NCOA7: variants seen among roughly 807,000 people sequenced by gnomAD.
NCOA7 encodes the protein nuclear receptor coactivator 7.
Under a neutral mutation model 104.3 loss-of-function variants are expected in NCOA7, and 45 were observed. The ratio of observed to expected loss-of-function variants is 0.43; its 90% CI spans 0.34 to 0.55. The LOEUF (loss-of-function observed/expected upper bound fraction) is 0.55, where lower values mean the gene tolerates loss of function less well. Ranked by LOEUF, NCOA7 falls within the 20% of genes least tolerant of loss-of-function variation. The pLI is 0.02. For synonymous variants in NCOA7, 398 were observed against 402.3 expected, an observed-to-expected ratio of 0.99 and a Z score of 0.13; for missense variants, 1,041 against 1,119.7, an observed-to-expected ratio of 0.93 and a Z score of 1.00.
chr6:125,928,013 G>T (rs748337402), intron 14 of NCOA7, among the ~76,000 whole-genome samples, 161 bp from the exon 15 acceptor site: 1 of 152,190 alleles, frequency 6.6e-6, no homozygotes, highest in Non-Finnish European at 1.5e-5. Context: ...TAACCCCTTG[G>T]GAGATCTCAT....
At chr6:125,911,227 A>C (rs1786515279) in intron 10 of NCOA7, among the ~76,000 whole-genome samples, 1 of 152,240 alleles carries the variant, frequency 6.6e-6, no homozygotes, top group South Asian at 2.1e-4. Context: ...ATGTTCTGCT[A>C]CTTGAGATAA....
chr6:125,869,776 C>T (rs1782742173), intron 3 of NCOA7, among the ~76,000 whole-genome samples: 1 of 152,202 alleles, frequency 6.6e-6, no homozygotes, highest in Non-Finnish European at 1.5e-5. Flanking sequence ...GGCCCTGCTT[C>T]CAGGGCCCAA....
chr6:125,856,627 C>T (rs111542855), intron 3 of NCOA7, among the ~76,000 whole-genome samples: 39 of 152,288 alleles, frequency 2.6e-4, no homozygotes, highest in Middle Eastern at 3.4e-3. Flanking sequence ...GCTGGGATTA[C>T]AGGCGTGAGC....
At chr6:125,819,115 TAGTTTTTCCTCC>T (rs1777899121) in intron 2 of NCOA7, among the ~76,000 whole-genome samples, 1 of 152,120 alleles carries the variant, frequency 6.6e-6, no homozygotes, top group Non-Finnish European at 1.5e-5. Flanking sequence ...TAGGAACACC[TAGTTTTTCCTCC>T]TGAGTAGTTA....
intron 1 of NCOA7, among the ~76,000 whole-genome samples, chr6:125,804,619 A>G (rs553280969): frequency 6.6e-6 from 1 of 152,326 alleles, no homozygotes; most frequent in African/African-American, 2.4e-5. Flanking sequence ...TTCAAAACTG[A>G]CTTATACCTT....
chr6:125,846,687 A>T (rs898765230), intron 2 of NCOA7, among the ~76,000 whole-genome samples: 2 of 152,224 alleles, frequency 1.3e-5, no homozygotes, highest in African/African-American at 4.8e-5. Flanking sequence ...ACGTTTACAT[A>T]TATGCCATAG....
rs1360551410 is a variant in NCOA7 at position 125,862,923 on chromosome 6, A to T, written c.271+7683A>T. ...AGCAAGAGAACCGCTTGAACCCAGG[A>T]TGCAGAGGTTGCAGTGAGTCAAGAT... On this transcript the variant is annotated intron_variant, in intron 3 of 15. Coordinates refer to ENST00000392477, the MANE Select transcript of NCOA7 (RefSeq NM_181782.5). Among the ~76,000 whole-genome samples, 3 of 139,088 alleles carry T rather than the reference A, an allele frequency of 2.2e-5. 1 individual carries two copies. Among genetic ancestry groups the T allele is most frequent in the Non-Finnish European group, 4.6e-5 (3 of 65,132 alleles). 91.2% of individuals were successfully genotyped at this position (139,088 alleles called of 152,430 possible).
chr6:125,820,424 A>G (rs7743352), intron 2 of NCOA7, among the ~76,000 whole-genome samples: 6,156 of 152,348 alleles, frequency 0.04, 289 homozygotes, highest in African/African-American at 0.12. Context: ...CATCCCAACC[A>G]GCCAGAACTG....
chr6:125,841,551 C>T (rs184300006), intron 2 of NCOA7, among the ~76,000 whole-genome samples: 104 of 151,858 alleles, frequency 6.8e-4, no homozygotes, highest in Non-Finnish European at 1.3e-3. Flanking sequence ...TGATCAAGAC[C>T]GTCTTGTGAT....
intron 10 of NCOA7, among the ~76,000 whole-genome samples, chr6:125,900,574 A>G (rs189435759): frequency 6.6e-6 from 1 of 152,344 alleles, no homozygotes; most frequent in Non-Finnish European, 1.5e-5. Context: ...ATGTATGTGT[A>G]CATTGTGAAA....
chr6:125,929,961 GA>G lies in NCOA7; in HGVS notation c.*1197del, dbSNP rs577252649. On this transcript the variant is annotated 3_prime_UTR_variant, in exon 16 of 16. Coordinates refer to ENST00000392477, the MANE Select transcript of NCOA7 (RefSeq NM_181782.5). ...TTGGTTTCTTGATTCATTTATTTGA[GA>G]AAAAAACAATACAAAGAAATGCATT... is the stretch of plus-strand genomic sequence containing the variant. The G allele has an allele frequency of 6.6e-6, 1 of 151,736 alleles. No homozygotes were observed. Among genetic ancestry groups the G allele is most frequent in the African/African-American group, 2.4e-5 (1 of 41,332 alleles). The allele number at this position is 151,736 out of a possible 1,614,324, so 9.4% of individuals were successfully genotyped here.
intron 3 of NCOA7, among the ~76,000 whole-genome samples, chr6:125,868,758 C>G (rs553270185): frequency 4.6e-5 from 7 of 152,346 alleles, no homozygotes; most frequent in Admixed American, 3.9e-4. Flanking sequence ...TCTATAGAGA[C>G]ACAGACAATT....
At chr6:125,790,390 G>T (rs1774715472), upstream of NCOA7, among the ~76,000 whole-genome samples, 1 of 152,246 alleles carries the variant, frequency 6.6e-6, no homozygotes, top group Non-Finnish European at 1.5e-5. Context: ...CCTCCTAGGT[G>T]CCGCTGCCAG....
intron 3 of NCOA7, among the ~76,000 whole-genome samples, chr6:125,862,655 G>A (rs1439141445): frequency 7.3e-6 from 1 of 137,396 alleles, no homozygotes; most frequent in African/African-American, 3.0e-5. Flanking sequence ...TTTTGAAAAT[G>A]TTTGATAACA....
At chr6:125,915,729 A>G (rs1178381615) in intron 11 of NCOA7, among the ~76,000 whole-genome samples, 1 of 151,880 alleles carries the variant, frequency 6.6e-6, no homozygotes. Context: ...TCATAGCTCC[A>G]TGCCTTAGTT....
intron 3 of NCOA7, among the ~76,000 whole-genome samples, chr6:125,871,578 T>C (rs1782910982): frequency 1.3e-5 from 2 of 152,266 alleles, no homozygotes; most frequent in African/African-American, 4.8e-5. Flanking sequence ...ACATAGTATT[T>C]GCCTTGTGGC....
chr6:125,855,863 T>C (rs962349231), intron 3 of NCOA7, among the ~76,000 whole-genome samples: 8 of 152,072 alleles, frequency 5.3e-5, no homozygotes, highest in African/African-American at 1.9e-4. Context: ...TGTTGTACTT[T>C]TAGTAGAGAC....
chr6:125,870,878 C>T (rs1782834562), intron 3 of NCOA7, among the ~76,000 whole-genome samples: 1 of 152,274 alleles, frequency 6.6e-6, no homozygotes, highest in Middle Eastern at 3.4e-3. Context: ...ACAGGTACCC[C>T]ATTCTTCCTC....
chr6:125,909,633 A>G (rs1321873383), intron 10 of NCOA7, among the ~76,000 whole-genome samples: 1 of 152,006 alleles, frequency 6.6e-6, no homozygotes. Context: ...ACATGGTGAA[A>G]CCCCGTCTCT....
Sources: allele counts gnomAD v4.1 joint callset (sites outside exome capture counted in the v4.1 genomes callset), GRCh38; gene constraint gnomAD v4.1.1; transcripts MANE v1.5; gene names NCBI Gene and HGNC (gene_info 2026-07-23, HGNC 2026-07-21).